Variants in ELP4 observed in about 807,000 individuals in gnomAD.
ELP4 encodes elongator acetyltransferase complex subunit 4.
In ELP4, 51 loss-of-function variants were observed where a neutral mutation model predicts 48.9. The ratio of observed to expected loss-of-function variants is 1.04; its 90% CI spans 0.83 to 1.32. The LOEUF (loss-of-function observed/expected upper bound fraction) is 1.32, where lower values mean the gene tolerates loss of function less well. Ranked by LOEUF, ELP4 falls within the 40% of genes most tolerant of loss-of-function variation. The pLI is 0.00. For synonymous variants in ELP4, 210 were observed against 189.2 expected (o/e 1.11, Z -0.90); for missense variants, 519 against 514.6 (o/e 1.01, Z -0.08).
At chr11:31,682,120 G>T in intron 9 of ELP4, 1 of 1,207,612 alleles carries the variant, frequency 8.3e-7, no homozygotes. Context: ...TAATGTCAGC[G>T]TCCCATCCAA....
intron 9 of ELP4, among the ~76,000 whole-genome samples, chr11:31,693,519 A>ATT (rs1946327201): frequency 6.6e-6 from 1 of 152,064 alleles, no homozygotes; most frequent in Non-Finnish European, 1.5e-5. Context: ...ATAGTATTCC[A>ATT]TTGTGTATAT....
At position 31,632,201 on chromosome 11, in the gene ELP4, T is replaced by TC. The variant is rs768844619; in HGVS notation, c.739-13dup. The TC allele has an allele frequency of 3.8e-6, 6 of 1,593,218 alleles. No homozygotes were observed. Among genetic ancestry groups the TC allele is most frequent in the South Asian group, 2.3e-5 (2 of 87,360 alleles). On this transcript the variant is annotated splice_polypyrimidine_tract_variant and intron_variant, in intron 6 of 9. Transcript: ENST00000640961. ...ACAAAACTTTATATGTTTGCTTTTT[T>TC]CCCACTTTCTTTTAGAAAAAACAGA...
chr11:31,696,663 A>G (rs1022183821), intron 9 of ELP4, among the ~76,000 whole-genome samples: 13 of 152,122 alleles, frequency 8.5e-5, no homozygotes, highest in African/African-American at 3.1e-4. Context: ...TGAAGGAAGC[A>G]CTAAACATGA....
chr11:31,556,911 T>A (rs1198379173), intron 3 of ELP4, among the ~76,000 whole-genome samples: 2 of 151,886 alleles, frequency 1.3e-5, no homozygotes, highest in Non-Finnish European at 2.9e-5. Context: ...TTATAGTATA[T>A]AATATTTTAA....
chr11:31,581,313 C>T (rs1208442064), intron 3 of ELP4, among the ~76,000 whole-genome samples: 1 of 152,064 alleles, frequency 6.6e-6, no homozygotes, highest in Non-Finnish European at 1.5e-5. Context: ...ATTAGTTCAT[C>T]CCTTGTTTTG....
chr11:31,787,527 A>C lies in ELP4; in HGVS notation c.*4003A>C, dbSNP rs1948748689. The C allele has an allele frequency of 4.3e-6, 1 of 232,854 alleles. No homozygotes were observed. The highest frequency in any genetic ancestry group is 5.6e-5 in the Admixed American group (1 of 17,754). 14.4% of individuals were successfully genotyped at this position (232,854 alleles called of 1,614,324 possible). A position where few individuals can be genotyped will look rare whatever the true frequency, so the allele number is the denominator to read the frequency against. ...TGCACTCCCACATAGCCCTTCTCTG[A>C]CAGTTCCCTCAGCACACAGCCCTCA... is the stretch of plus-strand genomic sequence containing the variant. On this transcript the variant is annotated 3_prime_UTR_variant, in exon 10 of 10. Coordinates refer to ENST00000640961, the MANE Select transcript of ELP4 (RefSeq NM_019040.5).
intron 9 of ELP4, among the ~76,000 whole-genome samples, chr11:31,747,213 AACAG>A (rs1217258864): frequency 6.6e-6 from 1 of 152,172 alleles, no homozygotes; most frequent in Non-Finnish European, 1.5e-5. Context: ...TCTAATGCAA[AACAG>A]ACAGTCCTTG....
intron 3 of ELP4, among the ~76,000 whole-genome samples, chr11:31,547,709 T>C (rs1565046661): frequency 1.3e-5 from 2 of 152,098 alleles, no homozygotes; most frequent in South Asian, 2.1e-4. Context: ...ACCAATATCC[T>C]TGTTGAACAT....
intron 5 of ELP4, among the ~76,000 whole-genome samples, chr11:31,615,735 G>C (rs1944466847): frequency 6.6e-6 from 1 of 151,874 alleles, no homozygotes; most frequent in Non-Finnish European, 1.5e-5. Context: ...TTTTCAATGT[G>C]AGTTAAAAGA....
chr11:31,576,109 A>G (rs1454974091), intron 3 of ELP4, among the ~76,000 whole-genome samples: 4 of 152,246 alleles, frequency 2.6e-5, no homozygotes, highest in Admixed American at 6.5e-5. Context: ...TACCAAGCAA[A>G]TGGAAAACAA....
chr11:31,736,326 C>A (rs1947314867), intron 9 of ELP4, among the ~76,000 whole-genome samples: 1 of 152,088 alleles, frequency 6.6e-6, no homozygotes, highest in Admixed American at 6.6e-5. Flanking sequence ...AAAATTAATT[C>A]AAGCTGGATT....
chr11:31,672,252 A>G (rs1945826343), intron 9 of ELP4, among the ~76,000 whole-genome samples: 1 of 152,198 alleles, frequency 6.6e-6, no homozygotes, highest in South Asian at 2.1e-4. Context: ...TTATTATTAT[A>G]TGATTCAATA....
chr11:31,723,601 T>G (rs1456437213), intron 9 of ELP4, among the ~76,000 whole-genome samples: 1 of 152,136 alleles, frequency 6.6e-6, no homozygotes, highest in Non-Finnish European at 1.5e-5. Flanking sequence ...CTAAGCACTT[T>G]ACATGTATTA....
At chr11:31,676,499 T>A (rs1483772742) in intron 9 of ELP4, among the ~76,000 whole-genome samples, 2 of 152,196 alleles carry the variant, frequency 1.3e-5, no homozygotes, top group African/African-American at 4.8e-5. Flanking sequence ...CCATTCTGTT[T>A]AGAACAGTAT....
At chr11:31,581,009 C>G (rs918720538) in intron 3 of ELP4, among the ~76,000 whole-genome samples, 1 of 152,100 alleles carries the variant, frequency 6.6e-6, no homozygotes, top group Non-Finnish European at 1.5e-5. Context: ...GTCTATATTT[C>G]TCCTTTCTGA....
chr11:31,709,281 G>A (rs1946693719), intron 9 of ELP4, among the ~76,000 whole-genome samples: 1 of 152,112 alleles, frequency 6.6e-6, no homozygotes, highest in Admixed American at 6.6e-5. Flanking sequence ...CTATAGATTT[G>A]AAATACTTTT....
chr11:31,536,312 G>A (rs1227553148), intron 2 of ELP4, among the ~76,000 whole-genome samples: 1 of 151,980 alleles, frequency 6.6e-6, no homozygotes, highest in Non-Finnish European at 1.5e-5. Context: ...ATAAGTGTTT[G>A]TTTAACTTTT....
intron 5 of ELP4, among the ~76,000 whole-genome samples, chr11:31,610,181 T>A (rs1022897248): frequency 6.6e-6 from 1 of 152,208 alleles, no homozygotes; most frequent in African/African-American, 2.4e-5. Flanking sequence ...GATAAATTAG[T>A]GCAAATCTCA....
At chr11:31,713,681 G>A (rs1355066679) in intron 9 of ELP4, among the ~76,000 whole-genome samples, 1 of 152,154 alleles carries the variant, frequency 6.6e-6, no homozygotes, top group African/African-American at 2.4e-5. Flanking sequence ...TACAGTGTTA[G>A]GCAAGGAGAA....
Sources: allele counts gnomAD v4.1 joint callset (sites outside exome capture counted in the v4.1 genomes callset), GRCh38; gene constraint gnomAD v4.1.1; transcripts MANE v1.5; gene names NCBI Gene and HGNC (gene_info 2026-07-23, HGNC 2026-07-21).